The following ATP11C variants were observed in gnomAD, a reference collection of about 807,000 sequenced individuals.
The protein encoded by ATP11C is phospholipid-transporting ATPase IG.
Under a neutral mutation model 97.4 loss-of-function variants are expected in ATP11C, and 36 were observed. The observed-to-expected ratio is 0.37, with a 90% CI of 0.28 to 0.49. The LOEUF (loss-of-function observed/expected upper bound fraction) is 0.49. ATP11C is among the 20% of genes least tolerant of loss of function. The pLI is 0.98. For missense variants in ATP11C, 730 were observed against 824.6 expected, an observed-to-expected ratio of 0.89 and a Z score of 1.40; for synonymous variants, 275 against 290.9, an observed-to-expected ratio of 0.95 and a Z score of 0.56.
At chrX:139,782,773 G>GA (rs374315625) in intron 17 of ATP11C, 45 bp from the exon 18 acceptor site, 68,974 of 568,376 alleles carry the variant, frequency 0.12, 1 homozygote, top group East Asian at 0.13. Context: ...ATAATAGTTG[G>GA]AAAAAAAAAA....
At chrX:139,894,780 T>TA (rs1327070271) in intron 1 of ATP11C, among the ~76,000 whole-genome samples, 1 of 111,832 alleles carries the variant, frequency 8.9e-6, no homozygotes, top group Admixed American at 9.5e-5. Context: ...TCAATAAAAA[T>TA]AATAAAAAAC....
chrX:139,730,507 T>G (rs1242226673), intron 29 of ATP11C, among the ~76,000 whole-genome samples: 2 of 111,560 alleles, frequency 1.8e-5, no homozygotes, highest in East Asian at 5.6e-4. Flanking sequence ...AGTGCAGATG[T>G]AGACTGCGAT....
At chrX:139,841,271 C>T (rs1000481221) in intron 1 of ATP11C, among the ~76,000 whole-genome samples, 4 of 112,367 alleles carry the variant, frequency 3.6e-5, no homozygotes, top group Non-Finnish European at 5.6e-5. Context: ...CTCTACAACA[C>T]TACTGGGCAA....
chrX:139,802,745 G>A (rs2082952040), intron 6 of ATP11C, among the ~76,000 whole-genome samples: 2 of 111,336 alleles, frequency 1.8e-5, no homozygotes, highest in South Asian at 7.5e-4. Flanking sequence ...CATATGAATT[G>A]AACATAACCT....
intron 2 of ATP11C, among the ~76,000 whole-genome samples, chrX:139,823,458 T>C (rs1367228875): frequency 8.9e-6 from 1 of 112,214 alleles, no homozygotes; most frequent in Non-Finnish European, 1.9e-5. Context: ...TGAGAGTCAA[T>C]TATTTCATTT....
At chrX:139,823,167 G>A (rs983121709) in intron 2 of ATP11C, among the ~76,000 whole-genome samples, 18 of 111,484 alleles carry the variant, frequency 1.6e-4, no homozygotes, top group African/African-American at 4.2e-4. Flanking sequence ...CTGAAATCGC[G>A]CGCCACTACA....
chrX:139,758,497 A>G (rs1364106097), intron 22 of ATP11C, among the ~76,000 whole-genome samples: 1 of 111,518 alleles, frequency 9.0e-6, no homozygotes. Context: ...TTAGGGCCCG[A>G]GGTCTCTGGT....
chrX:139,886,571 C>G (rs1265588193), intron 1 of ATP11C, among the ~76,000 whole-genome samples: 1 of 74,480 alleles, frequency 1.3e-5, no homozygotes, highest in Non-Finnish European at 2.4e-5. Context: ...GGCAACAGAG[C>G]AAGACTCCAT....
In ATP11C at chrX:139,741,002, T is replaced by A; in HGVS notation, c.3123A>T (p.Gly1041=). The change falls in exon 27 of 30, where the codon GGA becomes GGT. Residue 1041 remains glycine, a synonymous_variant. Coordinates refer to ENST00000682941, the MANE Select transcript of ATP11C (RefSeq NM_001353812.2). ...AFYVFFSFFW[G]GIIWPFLKQQ... is the part of the protein sequence containing the mutation. ...GTACAATTGCTTACCAAATAATTCCTCCCCAGAAGAATGAGAAAAATACAT... is the reference window on the plus strand; with the variant it reads ...GTACAATTGCTTACCAAATAATTCCACCCCAGAAGAATGAGAAAAATACAT... The A allele has an allele frequency of 8.4e-7, 1 of 1,186,175 alleles. No homozygotes were observed. Among genetic ancestry groups the A allele is most frequent in the Admixed American group, 2.2e-5 (1 of 45,716 alleles).
At chrX:139,896,610 TGAGA>T (rs762176085) in intron 1 of ATP11C, among the ~76,000 whole-genome samples, 39 of 95,122 alleles carry the variant, frequency 4.1e-4, no homozygotes, top group Middle Eastern at 5.3e-3. Flanking sequence ...TTCCCTTTCT[TGAGA>T]AAGAGTCTCT....
chrX:139,918,675 CAAAAAAAAAAAA>C (rs59502861), intron 1 of ATP11C, among the ~76,000 whole-genome samples: 1 of 41,061 alleles, frequency 2.4e-5, no homozygotes, highest in Non-Finnish European at 4.5e-5. Flanking sequence ...AACCCCATTT[CAAAAAAAAAAAA>C]AAAAAAAAAG....
chrX:139,897,729 A>G (rs766656326), intron 1 of ATP11C, among the ~76,000 whole-genome samples: 4 of 109,691 alleles, frequency 3.6e-5, no homozygotes, highest in Non-Finnish European at 7.6e-5. Context: ...CACCTTTTCT[A>G]CTGGGACAGT....
chrX:139,936,004 A>C (rs1055753354), upstream of ATP11C, among the ~76,000 whole-genome samples: 2 of 111,293 alleles, frequency 1.8e-5, no homozygotes, highest in African/African-American at 6.5e-5. Context: ...TCAAAAAAAA[A>C]AAAATGCAAT....
In ATP11C at chrX:139,877,188, G is replaced by A. The variant is rs566162405; in HGVS notation, c.28-50365C>T. On this transcript the variant is annotated intron_variant, in intron 1 of 29. Transcript: ENST00000682941. ...AGTTTCTGTAAGCCCAGGGGCCTAT[G>A]TGCAGTACCAACTATTGGATTTTCC... Among the ~76,000 whole-genome samples the A allele has an allele frequency of 1.7e-4, 19 of 112,201 alleles. No individual in the cohort carries two copies. The East Asian group carries it at 5.4e-3, about 32-fold the overall frequency.
rs954272843 is a variant in ATP11C at position 139,863,481 on chromosome X, C to A, written c.28-36658G>T. ...CCAGGGGGAGGAGGTTGCAGTGAGC[C>A]GAGACTGGGCCACTGCACTCCAGCC... On this transcript the variant is annotated intron_variant, in intron 1 of 29. Coordinates refer to ENST00000682941, the MANE Select transcript of ATP11C (RefSeq NM_001353812.2). 2.7e-5 allele frequency among the ~76,000 whole-genome samples: 3 copies of A among 110,746 alleles called. No homozygotes were observed. The East Asian group carries it at 8.5e-4, about 31-fold the overall frequency.
In ATP11C at chrX:139,761,986, T is replaced by A; in HGVS notation, c.2615A>T (p.His872Leu). The change falls in exon 22 of 30, where the codon CAC (histidine) becomes CTC (leucine). Residue 872 changes from histidine to leucine, a missense_variant. His to Leu is a moderately conservative substitution (Grantham distance 99). Transcript: ENST00000682941. The part of the protein sequence containing the change: ...HGHLYYVRIA[H>L]LVQYFFYKNL... ...CTTATAGAAGAAGTACTGTACAAGG[T>A]GTGCTATTCTCACATAATATAGATG... The A allele has an allele frequency of 8.4e-7, 1 of 1,197,476 alleles. No individual in the cohort carries two copies. The highest frequency in any genetic ancestry group is 1.1e-6 in the Non-Finnish European group (1 of 884,598).
In ATP11C at chrX:139,731,669, T is replaced by C. The variant is rs909839653; in HGVS notation, c.3375A>G (p.Glu1125=). The C allele has an allele frequency of 2.5e-6, 3 of 1,186,464 alleles. No homozygotes were observed. Among genetic ancestry groups the C allele is most frequent in the Non-Finnish European group, 3.4e-6 (3 of 879,452 alleles). The change falls in exon 29 of 30, where the codon GAA becomes GAG. Residue 1125 remains glutamate (E), a synonymous_variant. Coordinates refer to ENST00000682941, the MANE Select transcript of ATP11C (RefSeq NM_001353812.2). Reference sequence around the variant, plus strand: ...TAGGTACCTGTTACAATACATTAGATTCGTCTGAGAATGTTCGTAAAAGAA... The same window carrying C: ...TAGGTACCTGTTACAATACATTAGACTCGTCTGAGAATGTTCGTAAAAGAA... ...RPLLLRTFSD[E]SNVL is the part of the protein sequence containing the mutation.
chrX:139,735,479 T>G lies in ATP11C; in HGVS notation c.3288+2437A>C, dbSNP rs1012762862. Among the ~76,000 whole-genome samples, 8 of 111,946 alleles carry G rather than the reference T, an allele frequency of 7.1e-5. No individual in the cohort carries two copies. The South Asian group carries it at 2.6e-3, about 36-fold the overall frequency. Reference sequence around the variant, plus strand: ...CTATCAGGATATGGGGCAGACCCAGTATCTTTTGCCTCTCTTTAAAATGAG... The same window carrying G: ...CTATCAGGATATGGGGCAGACCCAGGATCTTTTGCCTCTCTTTAAAATGAG... On this transcript the variant is annotated intron_variant, in intron 28 of 29. Coordinates refer to ENST00000682941, the MANE Select transcript of ATP11C (RefSeq NM_001353812.2).
intron 1 of ATP11C, among the ~76,000 whole-genome samples, chrX:139,849,194 A>T (rs1005014863): frequency 9.0e-6 from 1 of 111,323 alleles, no homozygotes; most frequent in Non-Finnish European, 1.9e-5. Context: ...CTCCCATTCA[A>T]GACTCACAAA....
Sources: allele counts gnomAD v4.1 joint callset (sites outside exome capture counted in the v4.1 genomes callset), GRCh38; gene constraint gnomAD v4.1.1; transcripts MANE v1.5; gene names NCBI Gene and HGNC (gene_info 2026-07-23, HGNC 2026-07-21).